The following LCLAT1 variants were observed in gnomAD, a reference collection of about 807,000 sequenced individuals.
The protein encoded by LCLAT1 is 1-AGP acyltransferase 8.
LCLAT1 carries 11 observed loss-of-function variants against 30.7 expected under a neutral mutation model. The ratio of observed to expected loss-of-function variants is 0.36; its 90% CI spans 0.23 to 0.59. LCLAT1 has a LOEUF of 0.59. Ranked by LOEUF, LCLAT1 falls within the 20% of genes least tolerant of loss-of-function variation. The pLI is 0.77. For missense variants in LCLAT1, 402 were observed against 458.6 expected (o/e 0.88, Z 1.13); for synonymous variants, 155 against 151.3 (o/e 1.02, Z -0.18).
At chr2:30,568,286 A>G (rs6749074) in intron 5 of LCLAT1, 110 bp downstream of exon 5, 442,044 of 561,270 alleles carry the variant, frequency 0.79, 175,724 homozygotes, top group East Asian at 0.92. Context: ...TTGTCTCAAG[A>G]AATGAGATAT....
intron 1 of LCLAT1, among the ~76,000 whole-genome samples, chr2:30,450,820 CAG>C (rs1681507451): frequency 6.6e-6 from 1 of 152,182 alleles, no homozygotes; most frequent in South Asian, 2.1e-4. Context: ...AAAAAGGACT[CAG>C]AAAGCAATGA....
intron 1 of LCLAT1, among the ~76,000 whole-genome samples, chr2:30,504,081 CGT>C (rs10632288): frequency 3.3e-5 from 5 of 150,786 alleles, no homozygotes; most frequent in African/African-American, 9.8e-5. Flanking sequence ...AAGGGACTTA[CGT>C]GTGTGTGTGT....
At chr2:30,611,974 G>A (rs1019901447) in intron 5 of LCLAT1, among the ~76,000 whole-genome samples, 46 of 152,078 alleles carry the variant, frequency 3.0e-4, no homozygotes, top group Non-Finnish European at 4.4e-5. Context: ...TCAAGCTGGT[G>A]GGACTCCCAT....
chr2:30,489,414 G>A lies in LCLAT1; in HGVS notation c.-4-36173G>A, dbSNP rs181650071. ...GTCGCCCAGGCTGGAGTGCAGTGGC[G>A]CGATCTCGGCTCACTGCAAGCTCTG... On this transcript the variant is annotated intron_variant, in intron 1 of 5. Transcript: ENST00000379509. 9.8e-3 allele frequency among the ~76,000 whole-genome samples: 1,486 copies of A among 151,678 alleles called. 26 individuals are homozygous for A. The highest frequency in any genetic ancestry group is 0.034 in the African/African-American group (1,403 of 41,340).
At chr2:30,482,514 C>T (rs183919957) in intron 1 of LCLAT1, among the ~76,000 whole-genome samples, 41 of 152,192 alleles carry the variant, frequency 2.7e-4, no homozygotes, top group Middle Eastern at 3.4e-3. Context: ...CTTCCTTGGT[C>T]TTGTCACTGA....
intron 3 of LCLAT1, among the ~76,000 whole-genome samples, chr2:30,539,239 G>C (rs967080574): frequency 3.0e-5 from 4 of 134,208 alleles, no homozygotes; most frequent in Non-Finnish European, 6.2e-5. Flanking sequence ...TTGAGCCACC[G>C]CGCCAGGCCT....
chr2:30,449,712 C>G (rs1461489055), intron 1 of LCLAT1, among the ~76,000 whole-genome samples: 2 of 152,020 alleles, frequency 1.3e-5, no homozygotes, highest in Non-Finnish European at 2.9e-5. Flanking sequence ...GTTGGTCAGG[C>G]TAGTCTTGAG....
intron 5 of LCLAT1, among the ~76,000 whole-genome samples, chr2:30,602,614 A>G (rs1035541326): frequency 6.6e-6 from 1 of 151,956 alleles, no homozygotes; most frequent in African/African-American, 2.4e-5. Context: ...ATTTCTTTCA[A>G]GTTTTTCACA....
At chr2:30,552,525 A>G (rs1260082669) in intron 3 of LCLAT1, 3 of 450,408 alleles carry the variant, frequency 6.7e-6, no homozygotes, top group Admixed American at 2.4e-5. Context: ...TGATACAGGC[A>G]TACTACAACA....
intron 5 of LCLAT1, among the ~76,000 whole-genome samples, chr2:30,596,527 T>C (rs2148484764): frequency 6.6e-6 from 1 of 151,996 alleles, no homozygotes; most frequent in Admixed American, 6.6e-5. Context: ...AGTTTCTTGT[T>C]GACTCTGAGT....
intron 1 of LCLAT1, among the ~76,000 whole-genome samples, chr2:30,518,445 C>G (rs1380931753): frequency 6.6e-6 from 1 of 152,150 alleles, no homozygotes; most frequent in African/African-American, 2.4e-5. Flanking sequence ...TGCACTCAGC[C>G]AAGCCTTAAA....
chr2:30,639,731 T>G (rs1235855951), intron 5 of LCLAT1, among the ~76,000 whole-genome samples: 1 of 152,222 alleles, frequency 6.6e-6, no homozygotes, highest in Non-Finnish European at 1.5e-5. Flanking sequence ...TCTACTTTTA[T>G]TTGGAGAGAT....
intron 1 of LCLAT1, among the ~76,000 whole-genome samples, chr2:30,472,895 CT>C (rs1682867500): frequency 6.6e-6 from 1 of 152,042 alleles, no homozygotes; most frequent in South Asian, 2.1e-4. Context: ...TTAGATGAAA[CT>C]TTTAAGTCAC....
chr2:30,476,080 A>G (rs889248371), intron 1 of LCLAT1, among the ~76,000 whole-genome samples: 4 of 152,218 alleles, frequency 2.6e-5, no homozygotes, highest in African/African-American at 9.6e-5. Flanking sequence ...GAAGGTTCCA[A>G]AGGTAGTATA....
intron 1 of LCLAT1, among the ~76,000 whole-genome samples, chr2:30,454,685 G>C (rs1681734647): frequency 6.6e-6 from 1 of 151,776 alleles, no homozygotes. Context: ...CTGAGCTCAA[G>C]TGATTCTCCC....
At chr2:30,488,235 A>G (rs1240866828) in intron 1 of LCLAT1, among the ~76,000 whole-genome samples, 1 of 152,250 alleles carries the variant, frequency 6.6e-6, no homozygotes, top group African/African-American at 2.4e-5. Context: ...AATCACAGCA[A>G]TCAGGAATAT....
At chr2:30,613,271 G>A (rs1667827753) in intron 5 of LCLAT1, among the ~76,000 whole-genome samples, 1 of 152,004 alleles carries the variant, frequency 6.6e-6, no homozygotes. Context: ...AGGGGGAGGG[G>A]TTATAAGATT....
At chr2:30,505,992 C>T (rs1051609031) in intron 1 of LCLAT1, among the ~76,000 whole-genome samples, 1 of 152,048 alleles carries the variant, frequency 6.6e-6, no homozygotes, top group African/African-American at 2.4e-5. Context: ...AGGGAATTAC[C>T]AGGCTTGTTT....
chr2:30,469,338 C>G (rs1682644607), intron 1 of LCLAT1, among the ~76,000 whole-genome samples: 2 of 151,806 alleles, frequency 1.3e-5, no homozygotes, highest in South Asian at 4.2e-4. Context: ...GAAGATTTAC[C>G]TTTGTTTTCG....
Sources: allele counts gnomAD v4.1 joint callset (sites outside exome capture counted in the v4.1 genomes callset), GRCh38; gene constraint gnomAD v4.1.1; transcripts MANE v1.5; gene names NCBI Gene and HGNC (gene_info 2026-07-23, HGNC 2026-07-21).